RGS20: variants seen among roughly 807,000 people sequenced by gnomAD.
RGS20 encodes regulator of G protein signaling 20.
RGS20 carries 30 observed loss-of-function variants against 33.6 expected under a neutral mutation model. That is an observed-to-expected ratio of 0.89 (90% CI 0.67 to 1.21). The LOEUF is 1.21. RGS20 is among the 50% of genes most tolerant of loss of function. The probability of loss-of-function intolerance (pLI) is 0.00; values close to 1 mark genes in which losing one functional copy is unlikely to be tolerated. For synonymous variants in RGS20, 208 were observed against 197.9 expected (o/e 1.05, Z -0.43); for missense variants, 472 against 502.4 (o/e 0.94, Z 0.58).
At chr8:53,909,472 A>G (rs1014050897) in intron 2 of RGS20, among the ~76,000 whole-genome samples, 2 of 151,554 alleles carry the variant, frequency 1.3e-5, no homozygotes, top group African/African-American at 2.4e-5. Context: ...GCTGGTCTCA[A>G]ACTCCTAGGC....
intron 3 of RGS20, among the ~76,000 whole-genome samples, chr8:53,942,514 C>T (rs1266061069): frequency 6.6e-6 from 1 of 151,494 alleles, no homozygotes; most frequent in East Asian, 1.9e-4. Context: ...AAAAACTTCT[C>T]ACACCCCTGC....
chr8:53,918,480 C>T (rs760765505), intron 2 of RGS20, among the ~76,000 whole-genome samples: 10 of 151,902 alleles, frequency 6.6e-5, no homozygotes, highest in Non-Finnish European at 1.2e-4. Context: ...CCTCTGCCTC[C>T]CGGGTTCAAG....
At chr8:53,951,478 T>C (rs1400080904) in intron 4 of RGS20, among the ~76,000 whole-genome samples, 1 of 149,730 alleles carries the variant, frequency 6.7e-6, no homozygotes, top group African/African-American at 2.5e-5. Context: ...AACACAGTGA[T>C]ACCCTGTATC....
intron 2 of RGS20, among the ~76,000 whole-genome samples, chr8:53,937,223 A>C (rs1814161662): frequency 6.6e-6 from 1 of 152,122 alleles, no homozygotes; most frequent in Non-Finnish European, 1.5e-5. Context: ...GCATACCAAC[A>C]TGGCACATGT....
chr8:53,898,589 G>T (rs959273310), intron 2 of RGS20, among the ~76,000 whole-genome samples: 1 of 152,156 alleles, frequency 6.6e-6, no homozygotes, highest in African/African-American at 2.4e-5. Flanking sequence ...TATCCTGTGG[G>T]CTCTAGATTA....
chr8:53,879,854 G>C (rs190560098), intron 2 of RGS20: 1 of 415,066 alleles, frequency 2.4e-6, no homozygotes, highest in Non-Finnish European at 4.2e-6. Context: ...CATGGTCCAA[G>C]AAAACGGGAG....
chr8:53,944,298 G>C (rs1363540185), intron 3 of RGS20, among the ~76,000 whole-genome samples: 1 of 152,172 alleles, frequency 6.6e-6, no homozygotes. Context: ...CCAACACTTT[G>C]GGAGGCCGAG....
At position 53,879,399 on chromosome 8, in the gene RGS20, G is replaced by A. The variant is rs752871799; in HGVS notation, c.307G>A (p.Asp103Asn). 3 of 1,610,920 alleles carry A rather than the reference G, an allele frequency of 1.9e-6. No homozygotes were observed. In the Admixed American group the frequency reaches 5.0e-5, roughly 27 times the overall value. Residue 103 changes from aspartate to asparagine, a missense_variant, in exon 2 of 6, where the codon GAC (aspartate) becomes AAC (asparagine). By Grantham distance (23) the Asp-to-Asn change is conservative. Transcript: ENST00000297313. ...TCCCGAGGCTCCCCGGAGGCGCCTG[G>A]ACTTCTCCCCCCTGCTTCCCGCCCT...
intron 2 of RGS20, among the ~76,000 whole-genome samples, chr8:53,914,498 T>C (rs1813430722): frequency 6.6e-6 from 1 of 152,220 alleles, no homozygotes; most frequent in Non-Finnish European, 1.5e-5. Flanking sequence ...TATCCATTCT[T>C]GTGCACTAGA....
At chr8:53,858,066 T>A (rs1320798274) in intron 1 of RGS20, among the ~76,000 whole-genome samples, 2 of 152,226 alleles carry the variant, frequency 1.3e-5, no homozygotes, top group African/African-American at 2.4e-5. Context: ...CATCTTGTCA[T>A]AAAAGGTACT....
In RGS20 at chr8:53,958,298, TG is replaced by T; in HGVS notation, c.1008del (p.Ile337SerfsTer23). ...AGCTTAGACTCCCGGGTGAGAGAAG[TG>T]ATCAACAGAAACATGGTGGAGCCAT... On this transcript the variant is annotated frameshift_variant, in exon 6 of 6. Transcript: ENST00000297313. LOFTEE classifies it high-confidence loss of function. The T allele has an allele frequency of 6.2e-7, 1 of 1,612,990 alleles. No homozygotes were observed.
intron 1 of RGS20, among the ~76,000 whole-genome samples, chr8:53,866,275 C>T (rs1018956786): frequency 6.6e-6 from 1 of 152,122 alleles, no homozygotes; most frequent in African/African-American, 2.4e-5. Context: ...TACACATCAG[C>T]AAATCGCAGA....
intron 1 of RGS20, among the ~76,000 whole-genome samples, chr8:53,853,778 T>C (rs1455626174): frequency 6.6e-6 from 1 of 152,156 alleles, no homozygotes; most frequent in African/African-American, 2.4e-5. Context: ...GACAAACATA[T>C]AGCATATTAT....
intron 1 of RGS20, among the ~76,000 whole-genome samples, chr8:53,856,498 C>T (rs866143491): frequency 2.6e-5 from 4 of 152,128 alleles, no homozygotes; most frequent in South Asian, 4.1e-4. Flanking sequence ...AGATTACAGG[C>T]GTGAGCCACC....
chr8:53,867,930 G>A (rs539851238), intron 1 of RGS20, among the ~76,000 whole-genome samples: 2 of 152,108 alleles, frequency 1.3e-5, no homozygotes, highest in East Asian at 3.8e-4. Context: ...TTGCCACATT[G>A]CCCAGGCTGG....
At chr8:53,865,245 G>T (rs115239438) in intron 1 of RGS20, among the ~76,000 whole-genome samples, 2 of 152,232 alleles carry the variant, frequency 1.3e-5, no homozygotes, top group African/African-American at 4.8e-5. Context: ...GCCCAGGTCC[G>T]TGGGGACAAA....
At chr8:53,906,431 C>A (rs141449165) in intron 2 of RGS20, among the ~76,000 whole-genome samples, 201 of 152,182 alleles carry the variant, frequency 1.3e-3, no homozygotes, top group African/African-American at 4.3e-3. Flanking sequence ...TATCGAGTGG[C>A]CCCCTAAGTG....
At chr8:53,898,319 T>C (rs577827981) in intron 2 of RGS20, among the ~76,000 whole-genome samples, 83 of 152,192 alleles carry the variant, frequency 5.5e-4, no homozygotes, top group African/African-American at 2.0e-3. Flanking sequence ...GTACTCAGAG[T>C]GTACCTAGAA....
At chr8:53,950,146 C>T (rs1814668348) in intron 4 of RGS20, among the ~76,000 whole-genome samples, 1 of 151,990 alleles carries the variant, frequency 6.6e-6, no homozygotes, top group Non-Finnish European at 1.5e-5. Context: ...AGCGTGTTAA[C>T]ACATTTCTTT....
Sources: gnomAD v4.1 joint callset for allele counts (sites outside exome capture counted in the v4.1 genomes callset) on GRCh38, gnomAD v4.1.1 for gene constraint, MANE v1.5 for transcripts, NCBI Gene and HGNC (gene_info 2026-07-23, HGNC 2026-07-21) for gene names.